The following FARS2 variants were observed in gnomAD, a reference collection of about 807,000 sequenced individuals.
FARS2 encodes phenylalanine--tRNA ligase, mitochondrial.
Under a neutral mutation model 46.4 loss-of-function variants are expected in FARS2, and 40 were observed. The ratio of observed to expected loss-of-function variants is 0.86; its 90% CI spans 0.67 to 1.12. FARS2 has a LOEUF of 1.12. Among genes scored for constraint, FARS2 ranks in the 50% most tolerant of loss-of-function variants. The pLI is 0.00. For synonymous variants in FARS2, 234 were observed against 214.9 expected, an observed-to-expected ratio of 1.09 and a Z score of -0.78; for missense variants, 513 against 567.9, an observed-to-expected ratio of 0.90 and a Z score of 0.98.
chr6:5,389,867 T>G (rs1436647567), intron 2 of FARS2, among the ~76,000 whole-genome samples: 1 of 152,146 alleles, frequency 6.6e-6, no homozygotes, highest in African/African-American at 2.4e-5. Context: ...TGTTTTTGTT[T>G]GTTTGTTTTT....
chr6:5,405,781 G>T (rs905057399), intron 3 of FARS2, among the ~76,000 whole-genome samples: 1 of 152,048 alleles, frequency 6.6e-6, no homozygotes, highest in Admixed American at 6.5e-5. Context: ...CGTGATCCAC[G>T]GCGCCCGGCC....
chr6:5,551,824 C>A (rs576804063), intron 5 of FARS2, among the ~76,000 whole-genome samples: 34 of 152,190 alleles, frequency 2.2e-4, no homozygotes, highest in Non-Finnish European at 3.8e-4. Flanking sequence ...TTCCCCCAAG[C>A]CCTGCCACTT....
chr6:5,745,283 C>T (rs1429449106), intron 6 of FARS2, among the ~76,000 whole-genome samples: 1 of 152,232 alleles, frequency 6.6e-6, no homozygotes, highest in East Asian at 1.9e-4. Flanking sequence ...TCTGTCATGC[C>T]ACCCATGGCC....
At chr6:5,335,091 A>G (rs1001682049) in intron 1 of FARS2, among the ~76,000 whole-genome samples, 7 of 152,202 alleles carry the variant, frequency 4.6e-5, no homozygotes, top group Non-Finnish European at 8.8e-5. Context: ...CCATCTCTTG[A>G]CATTTGACCT....
At chr6:5,480,796 T>G (rs1766408034) in intron 4 of FARS2, among the ~76,000 whole-genome samples, 1 of 152,244 alleles carries the variant, frequency 6.6e-6, no homozygotes, top group Admixed American at 6.5e-5. Flanking sequence ...CTGCAATCTT[T>G]TATCCTTCCT....
At chr6:5,288,462 C>A (rs1041443228) in intron 1 of FARS2, among the ~76,000 whole-genome samples, 2 of 152,196 alleles carry the variant, frequency 1.3e-5, no homozygotes, top group Admixed American at 6.5e-5. Flanking sequence ...TCGTTTGATA[C>A]CTCATTGTGA....
intron 6 of FARS2, among the ~76,000 whole-genome samples, chr6:5,694,045 G>T (rs868253769): frequency 6.6e-6 from 1 of 152,208 alleles, no homozygotes; most frequent in Non-Finnish European, 1.5e-5. Context: ...TGTCAAAGCC[G>T]CACTGGAAGA....
At chr6:5,580,000 A>G (rs1300894996) in intron 5 of FARS2, among the ~76,000 whole-genome samples, 3 of 152,028 alleles carry the variant, frequency 2.0e-5, no homozygotes, top group Admixed American at 6.6e-5. Context: ...GCCTATAGAA[A>G]GAAAGGGTAG....
intron 4 of FARS2, among the ~76,000 whole-genome samples, chr6:5,515,259 TC>T (rs1375898679): frequency 6.6e-6 from 1 of 152,200 alleles, no homozygotes; most frequent in African/African-American, 2.4e-5. Context: ...TAATTGAAGT[TC>T]CATGAAACTC....
At chr6:5,768,170 C>T (rs1345636379) in intron 6 of FARS2, among the ~76,000 whole-genome samples, 1 of 152,174 alleles carries the variant, frequency 6.6e-6, no homozygotes, top group East Asian at 1.9e-4. Context: ...CCTTCTCTGT[C>T]ATCATTCATG....
chr6:5,256,986 C>G (rs1317794076), upstream of FARS2, among the ~76,000 whole-genome samples: 1 of 152,148 alleles, frequency 6.6e-6, no homozygotes, highest in African/African-American at 2.4e-5. Context: ...TCAAATACAA[C>G]ATTCTTCTCT....
rs543392318 is a variant in FARS2, at chr6:5,338,618, ACT to A, written c.-21-29927_-21-29926del. Among the ~76,000 whole-genome samples, 14 of 145,204 alleles carry A rather than the reference ACT, an allele frequency of 9.6e-5. No homozygotes were observed. The South Asian group carries it at 3.0e-3, about 31-fold the overall frequency. ...CACAGAAGTTTACCTCTTTGATAGA[ACT>A]CTCTGATTATCTCAGGTATGAGTTC... On this transcript the variant is annotated intron_variant, in intron 1 of 6. Coordinates refer to ENST00000274680, the MANE Select transcript of FARS2 (RefSeq NM_006567.5).
rs79824922 is a variant in FARS2 at position 5,369,427 on chromosome 6, C to T, written c.612+245C>T. Among the ~76,000 whole-genome samples the T allele has an allele frequency of 0.034, 5,151 of 152,154 alleles. 264 individuals are homozygous for T. The highest frequency in any genetic ancestry group is 0.11 in the African/African-American group (4,671 of 41,474). ...TTCCAGTTGTCTGTCCTTATCCTTT[C>T]TCTCAATACTGACCCGCCATTCTCT... On this transcript the variant is annotated intron_variant, in intron 2 of 6. Coordinates refer to ENST00000274680, the MANE Select transcript of FARS2 (RefSeq NM_006567.5).
At chr6:5,678,971 A>G (rs1482506482) in intron 6 of FARS2, among the ~76,000 whole-genome samples, 1 of 152,146 alleles carries the variant, frequency 6.6e-6, no homozygotes, top group African/African-American at 2.4e-5. Flanking sequence ...CTGGTGAATT[A>G]GGCTGCAGTC....
intron 1 of FARS2, among the ~76,000 whole-genome samples, chr6:5,285,523 G>T (rs528744081): frequency 6.6e-6 from 1 of 152,188 alleles, no homozygotes. Context: ...AGGAGGACAC[G>T]GAGGACCATG....
At chr6:5,299,573 T>C (rs1375586577) in intron 1 of FARS2, among the ~76,000 whole-genome samples, 1 of 152,222 alleles carries the variant, frequency 6.6e-6, no homozygotes, top group Non-Finnish European at 1.5e-5. Flanking sequence ...ACAAGTATTC[T>C]CTTGGCCTTG....
chr6:5,587,972 G>T (rs1325889084), intron 5 of FARS2, among the ~76,000 whole-genome samples: 4 of 152,114 alleles, frequency 2.6e-5, no homozygotes, highest in East Asian at 3.9e-4. Flanking sequence ...TTTAAGATAG[G>T]TAAAACCCTG....
At chr6:5,443,075 A>C (rs1763933000) in intron 4 of FARS2, among the ~76,000 whole-genome samples, 1 of 152,202 alleles carries the variant, frequency 6.6e-6, no homozygotes. Context: ...TATGCTTGCC[A>C]GATATATAAA....
In FARS2 at chr6:5,739,776, G is replaced by A. The variant is rs374179836; in HGVS notation, c.1218-31515G>A. Among the ~76,000 whole-genome samples, 54 of 152,264 alleles carry A rather than the reference G, an allele frequency of 3.5e-4. No homozygotes were observed. In the East Asian group the frequency reaches 9.3e-3, roughly 26 times the overall value. ...CCCAGAACGGTAGGTCAGGCAGGAT[G>A]GTGCCTAGTGCCGCCACAAGGTCAC... On this transcript the variant is annotated intron_variant, in intron 6 of 6. Transcript: ENST00000274680.
Sources: gnomAD v4.1 joint callset for allele counts (sites outside exome capture counted in the v4.1 genomes callset) on GRCh38, gnomAD v4.1.1 for gene constraint, MANE v1.5 for transcripts, NCBI Gene and HGNC (gene_info 2026-07-23, HGNC 2026-07-21) for gene names.